NT5DC3: variants seen among roughly 807,000 people sequenced by gnomAD.
NT5DC3 encodes the protein 5'-nucleotidase domain-containing protein 3.
NT5DC3 carries 42 observed loss-of-function variants against 67.8 expected under a neutral mutation model. That is an observed-to-expected ratio of 0.62 (90% CI 0.48 to 0.80). The LOEUF (loss-of-function observed/expected upper bound fraction) is 0.80. Among genes scored for constraint, NT5DC3 ranks in the 30% least tolerant of loss-of-function variants. The pLI, the probability that NT5DC3 is intolerant of heterozygous loss-of-function variation, is 0.00. For synonymous variants in NT5DC3, 237 were observed against 255.6 expected (o/e 0.93, Z 0.69); for missense variants, 570 against 696.4 (o/e 0.82, Z 2.04).
chr12:103,755,772 C>T, the NT5DC3 span: 1 of 1,574,558 alleles, frequency 6.4e-7, no homozygotes, highest in East Asian at 2.2e-5. Context: ...TGCCTCAAAG[C>T]AGGTATTAGA....
intron 1 of NT5DC3, among the ~76,000 whole-genome samples, chr12:103,828,976 A>G (rs1219168101): frequency 1.3e-5 from 2 of 152,152 alleles, no homozygotes; most frequent in Admixed American, 1.3e-4. Context: ...TGGGATTACA[A>G]GCGTAAGCCA....
chr12:103,840,147 A>T (rs987457268), intron 1 of NT5DC3, among the ~76,000 whole-genome samples: 3 of 152,198 alleles, frequency 2.0e-5, no homozygotes, highest in African/African-American at 7.2e-5. Flanking sequence ...CATCTATAGA[A>T]TGGGGATGTG....
In NT5DC3 at chr12:103,841,113, GC is replaced by G. The variant is rs1161507768; in HGVS notation, c.43del (p.Ala15ArgfsTer39). 1.9e-6 allele frequency: 2 copies of G among 1,058,408 alleles called. No homozygotes were observed. Among genetic ancestry groups the G allele is most frequent in the Non-Finnish European group, 1.2e-6 (1 of 815,782 alleles). 65.6% of individuals were successfully genotyped at this position (1,058,408 alleles called of 1,614,324 possible). The part of the protein sequence containing the change: ...AAAVVARGAG[A>X]RAATAAALRG... Reference sequence around the variant, plus strand: ...CAAAGCCGCCGCTGTCGCTGCCCTCGCCCCGGCCCCGCGTGCCACCACCGCC... The same window carrying G: ...CAAAGCCGCCGCTGTCGCTGCCCTCGCCCGGCCCCGCGTGCCACCACCGCC... On this transcript the variant is annotated frameshift_variant, in exon 1 of 14. Coordinates refer to ENST00000392876, the MANE Select transcript of NT5DC3 (RefSeq NM_001031701.3). LOFTEE classifies it high-confidence loss of function.
intron 1 of NT5DC3, among the ~76,000 whole-genome samples, chr12:103,824,866 C>T (rs1381158674): frequency 6.7e-6 from 1 of 150,294 alleles, no homozygotes; most frequent in Non-Finnish European, 1.5e-5. Flanking sequence ...GATCATACAA[C>T]CTGTAGTATC....
At chr12:103,759,277 C>CAA in the NT5DC3 span, 1 of 1,613,542 alleles carries the variant, frequency 6.2e-7, no homozygotes, top group East Asian at 2.2e-5. Context: ...CCAACCGGTA[C>CAA]AAAGTCTTCT....
intron 13 of NT5DC3, 139 bp downstream of exon 13, chr12:103,780,161 T>G: frequency 1.3e-6 from 1 of 742,212 alleles, no homozygotes; most frequent in Non-Finnish European, 2.4e-6. Context: ...TTCTGGATCC[T>G]GGGGGAGGCA....
Position 103,793,988 on chromosome 12 carries a change from G to A in NT5DC3, c.763C>T (p.Arg255Ter), listed in dbSNP as rs766572518. Residue 255 changes from arginine to a stop codon, truncating the protein, a stop_gained, in exon 7 of 14, where the codon CGA (arginine) becomes TGA (stop). Transcript: ENST00000392876. LOFTEE classifies it high-confidence loss of function. Reference sequence around the variant, plus strand: ...ATTATTCCTTTGATGTGGACGTCTCGAATTGAATCCTGCCAAAAGATACAT... The same window carrying A: ...ATTATTCCTTTGATGTGGACGTCTCAAATTGAATCCTGCCAAAAGATACAT... ...HLYKDVKDSI[R>*]DVHIKGIMYR... 9 of 1,613,240 alleles carry A rather than the reference G, an allele frequency of 5.6e-6. No individual in the cohort carries two copies. Among genetic ancestry groups the A allele is most frequent in the Middle Eastern group, 1.7e-4 (1 of 6,058 alleles).
chr12:103,754,619 A>G, the NT5DC3 span, among the ~76,000 whole-genome samples: 1 of 152,094 alleles, frequency 6.6e-6, no homozygotes, highest in Non-Finnish European at 1.5e-5. Context: ...CAATAATTAT[A>G]ATAACGATGA....
chr12:103,751,762 C>T, the NT5DC3 span, among the ~76,000 whole-genome samples: 4 of 152,302 alleles, frequency 2.6e-5, no homozygotes, highest in African/African-American at 9.6e-5. Flanking sequence ...TGGAAATCTA[C>T]CCAGACCATA....
the NT5DC3 span, among the ~76,000 whole-genome samples, chr12:103,756,833 A>G: frequency 6.6e-6 from 1 of 152,100 alleles, no homozygotes; most frequent in East Asian, 1.9e-4. Context: ...TGTAAAAATC[A>G]GGACCACCAT....
chr12:103,804,912 G>C (rs553522480), intron 4 of NT5DC3, among the ~76,000 whole-genome samples: 1 of 152,156 alleles, frequency 6.6e-6, no homozygotes, highest in Non-Finnish European at 1.5e-5. Context: ...CTAGCCGGGC[G>C]TGGCGGCACA....
chr12:103,746,583 C>T, the NT5DC3 span: 1 of 1,613,324 alleles, frequency 6.2e-7, no homozygotes, highest in Non-Finnish European at 8.5e-7. Context: ...TGAAAGTGGC[C>T]CCTTTCTTTG....
Position 103,775,078 on chromosome 12 carries a change from T to C in NT5DC3, c.*2751A>G, listed in dbSNP as rs1226236236. ...TGTCCTGACTGAGTATATACAAGGATTAATAATAAAGTGGGATGTGCCTCC... is the reference window on the plus strand; with the variant it reads ...TGTCCTGACTGAGTATATACAAGGACTAATAATAAAGTGGGATGTGCCTCC... On this transcript the variant is annotated 3_prime_UTR_variant, in exon 14 of 14. Transcript: ENST00000392876. 1 of 151,182 alleles carries C rather than the reference T, an allele frequency of 6.6e-6. No individual in the cohort carries two copies. 9.4% of individuals were successfully genotyped at this position (151,182 alleles called of 1,614,324 possible). A position where few individuals can be genotyped will look rare whatever the true frequency, so the allele number is the denominator to read the frequency against.
the NT5DC3 span, chr12:103,758,254 T>C: frequency 6.2e-7 from 1 of 1,614,060 alleles, no homozygotes; most frequent in Middle Eastern, 1.6e-4. Context: ...CGGCACCCTC[T>C]TTGTGCCACA....
intron 1 of NT5DC3, among the ~76,000 whole-genome samples, chr12:103,829,194 CAT>C (rs1325505953): frequency 1.3e-5 from 2 of 152,334 alleles, no homozygotes; most frequent in East Asian, 1.9e-4. Flanking sequence ...GCAGACAACA[CAT>C]GTTTTCTATA....
At chr12:103,793,306 G>A in intron 8 of NT5DC3, 41 bp from the exon 9 acceptor site, 1 of 1,563,382 alleles carries the variant, frequency 6.4e-7, no homozygotes, top group South Asian at 1.1e-5. Flanking sequence ...ACATTAAAGA[G>A]ATTAACTGTG....
At chr12:103,750,626 G>A in the NT5DC3 span, 1 of 1,614,226 alleles carries the variant, frequency 6.2e-7, no homozygotes, top group Admixed American at 1.7e-5. Flanking sequence ...GAGATGGGCT[G>A]AACTGTGAGC....
the NT5DC3 span, among the ~76,000 whole-genome samples, chr12:103,764,166 T>G: frequency 1.3e-5 from 2 of 152,118 alleles, no homozygotes; most frequent in African/African-American, 4.8e-5. Flanking sequence ...TTGGTCAGGC[T>G]GGTCTCGAAC....
the NT5DC3 span, among the ~76,000 whole-genome samples, chr12:103,757,010 T>TATATATATATATATATAG: frequency 7.3e-6 from 1 of 137,550 alleles, no homozygotes; most frequent in Admixed American, 7.4e-5. Context: ...TATATATATA[T>TATATATATATATATATAG]ATATATATAT....
Sources: gnomAD v4.1 joint callset for allele counts (sites outside exome capture counted in the v4.1 genomes callset) on GRCh38, gnomAD v4.1.1 for gene constraint, MANE v1.5 for transcripts, NCBI Gene and HGNC (gene_info 2026-07-23, HGNC 2026-07-21) for gene names.